CLCN2: variants seen among roughly 807,000 people sequenced by gnomAD.
The protein encoded by CLCN2 is chloride channel protein 2.
A neutral mutation model predicts 108.3 loss-of-function variants in CLCN2; 72 were observed. The ratio of observed to expected loss-of-function variants is 0.66; its 90% confidence interval spans 0.55 to 0.81. The LOEUF (loss-of-function observed/expected upper bound fraction) is 0.81. Among genes scored for constraint, CLCN2 ranks in the 30% least tolerant of loss-of-function variants. The pLI is 0.00. For synonymous variants in CLCN2, 471 were observed against 467.1 expected (o/e 1.01, Z -0.11); for missense variants, 1,048 against 1,205.2 (o/e 0.87, Z 1.93).
rs1309947327 is a variant in CLCN2 at position 184,358,730 on chromosome 3, C to A, written c.304G>T (p.Ala102Ser). The A allele has an allele frequency of 6.3e-7, 1 of 1,597,188 alleles. No individual in the cohort carries two copies. Among genetic ancestry groups the A allele is most frequent in the Non-Finnish European group, 8.5e-7 (1 of 1,170,974 alleles). The change falls in exon 3 of 24, where the codon GCA becomes TCA. Residue 102 changes from alanine to serine, a missense_variant. By Grantham distance (99) the Ala-to-Ser change is moderately conservative (BLOSUM62 1). Coordinates refer to ENST00000265593, the MANE Select transcript of CLCN2 (RefSeq NM_004366.6). Reference protein sequence around the residue: ...IFLVLLGLLMALVSWVMDYAI... With the variant: ...IFLVLLGLLMSLVSWVMDYAI... ...TAGTCCATGACCCAGCTGACCAATGCCATGAGAAGCCCCAGCAGGACCAGG... is the reference window on the plus strand; with the variant it reads ...TAGTCCATGACCCAGCTGACCAATGACATGAGAAGCCCCAGCAGGACCAGG...
intron 21 of CLCN2, 41 bp from the exon 22 acceptor site, chr3:184,352,158 G>A (rs745687377): frequency 1.9e-6 from 3 of 1,593,202 alleles, no homozygotes; most frequent in Non-Finnish European, 2.6e-6. Context: ...GAAGGTGCCT[G>A]TAGCTGACCT....
At position 184,361,324 on chromosome 3, in the gene CLCN2, A is replaced by G. The variant is rs1332748522; in HGVS notation, c.63+93T>C. The G allele has an allele frequency of 1.5e-6, 2 of 1,306,080 alleles. No homozygotes were observed. Among genetic ancestry groups the G allele is most frequent in the Admixed American group, 3.4e-5 (2 of 59,444 alleles). The allele number at this position is 1,306,080 out of a possible 1,614,324, so 80.9% of individuals were successfully genotyped here. A position where few individuals can be genotyped will look rare whatever the true frequency, so the allele number is the denominator to read the frequency against. On this transcript the variant is annotated intron_variant, in intron 1 of 23. Coordinates refer to ENST00000265593, the MANE Select transcript of CLCN2 (RefSeq NM_004366.6). The surrounding 1 kb of genome is among the most constrained non-coding windows in gnomAD (Gnocchi z 6.6). Reference sequence around the variant, plus strand: ...CCCCAGCTCAAAATGCTAGGACAGGATTAGGGTAGGCCCCTGGTCCTCGCG... The same window carrying G: ...CCCCAGCTCAAAATGCTAGGACAGGGTTAGGGTAGGCCCCTGGTCCTCGCG...
intron 7 of CLCN2, 34 bp from the exon 8 acceptor site, chr3:184,357,521 T>G (rs1403452895): frequency 1.2e-6 from 2 of 1,613,940 alleles, no homozygotes; most frequent in African/African-American, 2.7e-5. Context: ...ACTTGAGGCC[T>G]GGGCCTGGCC....
intron 13 of CLCN2, 23 bp downstream of exon 13, chr3:184,354,881 T>C: frequency 1.9e-6 from 3 of 1,610,746 alleles, no homozygotes; most frequent in Non-Finnish European, 2.5e-6. Flanking sequence ...GCAGGCTGGG[T>C]GAGCAGGCAG....
chr3:184,359,825 G>A (rs1325326557), intron 1 of CLCN2, among the ~76,000 whole-genome samples: 2 of 152,204 alleles, frequency 1.3e-5, no homozygotes, highest in Admixed American at 1.3e-4. Flanking sequence ...GCTGAGGATG[G>A]CTGGGCTGTG....
chr3:184,356,473 T>C, intron 10 of CLCN2: 1 of 167,030 alleles, frequency 6.0e-6, no homozygotes, highest in South Asian at 1.5e-4. Flanking sequence ...AAACTGTCTC[T>C]ACTAAAAAAT....
chr3:184,358,622 G>A, intron 3 of CLCN2, 60 bp downstream of exon 3: 10 of 1,544,610 alleles, frequency 6.5e-6, no homozygotes, highest in Non-Finnish European at 8.8e-6. Context: ...GTCTAGACGA[G>A]TGTGGCATGG....
intron 22 of CLCN2, chr3:184,349,142 C>T (rs1463663093): frequency 6.6e-6 from 1 of 152,212 alleles, no homozygotes; most frequent in African/African-American, 2.4e-5. Flanking sequence ...ATTTCTTCCA[C>T]ACTTCAGCTC....
chr3:184,347,075 A>G, intron 22 of CLCN2, 54 bp from the exon 23 acceptor site: 1 of 1,475,292 alleles, frequency 6.8e-7, no homozygotes, highest in South Asian at 1.1e-5. Context: ...GCAGCTCTAA[A>G]TGACAGGCCA....
rs1210996404 is a variant in CLCN2 at position 184,346,342 on chromosome 3, G to A, written c.*264C>T. The A allele has an allele frequency of 1.4e-5, 8 of 556,060 alleles. No individual in the cohort carries two copies. Among genetic ancestry groups the A allele is most frequent in the African/African-American group, 7.5e-5 (4 of 53,076 alleles). The allele number at this position is 556,060 out of a possible 1,614,324, so 34.4% of individuals were successfully genotyped here. A position where few individuals can be genotyped will look rare whatever the true frequency, so the allele number is the denominator to read the frequency against. Reference sequence around the variant, plus strand: ...TAGTTCCACCCCTTTCCCCTCAAAGGGGGAGCAGGGGTCAAGTGACCCCAA... The same window carrying A: ...TAGTTCCACCCCTTTCCCCTCAAAGAGGGAGCAGGGGTCAAGTGACCCCAA... On this transcript the variant is annotated 3_prime_UTR_variant, in exon 24 of 24. Transcript: ENST00000265593. This position sits in a 1 kb window ranked among gnomAD's most constrained non-coding sequence, Gnocchi z 6.0.
At chr3:184,353,212 A>T (rs763506214) in intron 17 of CLCN2, 38 bp downstream of exon 17, 1 of 1,613,420 alleles carries the variant, frequency 6.2e-7, no homozygotes. Context: ...CAGTCTACAC[A>T]ATGACATTTA....
At chr3:184,350,757 T>C (rs540373670) in intron 22 of CLCN2, among the ~76,000 whole-genome samples, 3 of 152,194 alleles carry the variant, frequency 2.0e-5, no homozygotes, top group Admixed American at 6.5e-5. Context: ...TAGCTGTGTG[T>C]CCTTGTGCAA....
rs1577317745 is a variant in CLCN2, at chr3:184,355,146, G to T, written c.1327-173C>A. 6.4e-6 allele frequency: 5 copies of T among 785,860 alleles called. No homozygotes were observed. The highest frequency in any genetic ancestry group is 4.3e-6 in the Non-Finnish European group (2 of 461,876). The allele number at this position is 785,860 out of a possible 1,614,324, so 48.7% of individuals were successfully genotyped here. On this transcript the variant is annotated intron_variant, in intron 12 of 23. Transcript: ENST00000265593. This position sits in a 1 kb window ranked among gnomAD's most constrained non-coding sequence, Gnocchi z 6.3. ...CAGGCCTCCCAGGTGATGGCAAGGG[G>T]AAGGACTCTGGAAGCAGATGGCTTG...
In CLCN2 at chr3:184,355,284, T is replaced by C; in HGVS notation, c.1326+90A>G. The C allele has an allele frequency of 7.1e-7, 1 of 1,405,072 alleles. No homozygotes were observed. The highest frequency in any genetic ancestry group is 1.0e-6 in the Non-Finnish European group (1 of 991,722). The allele number at this position is 1,405,072 out of a possible 1,614,324, so 87.0% of individuals were successfully genotyped here. Reference sequence around the variant, plus strand: ...TAATAGTGCCTTTCCCATGGCACTGTGGAGAGGCTTCGAGGAGTGAGCACT... The same window carrying C: ...TAATAGTGCCTTTCCCATGGCACTGCGGAGAGGCTTCGAGGAGTGAGCACT... On this transcript the variant is annotated intron_variant, in intron 12 of 23. Coordinates refer to ENST00000265593, the MANE Select transcript of CLCN2 (RefSeq NM_004366.6). The surrounding 1 kb of genome is among the most constrained non-coding windows in gnomAD (Gnocchi z 6.3).
rs1318297566 is a variant in CLCN2 at position 184,355,697 on chromosome 3, T to G, written c.1167A>C (p.Gly389=). 6 of 1,613,954 alleles carry G rather than the reference T, an allele frequency of 3.7e-6. No individual in the cohort carries two copies. The highest frequency in any genetic ancestry group is 5.1e-6 in the Non-Finnish European group (6 of 1,180,006). The change falls in exon 11 of 24, where the codon GGA becomes GGC. Residue 389 remains glycine, a synonymous_variant. Transcript: ENST00000265593. The surrounding 1 kb of genome is among the most constrained non-coding windows in gnomAD (Gnocchi z 6.3). ...FPPGFGQFMA[G]QLSQKETLVT... Reference sequence around the variant, plus strand: ...CTCCTGTTCTGCCTGTGGTTACCTGTCCAGCCATGAACTGTCCAAAGCCAG... The same window carrying G: ...CTCCTGTTCTGCCTGTGGTTACCTGGCCAGCCATGAACTGTCCAAAGCCAG...
chr3:184,361,289 G>T lies in CLCN2; in HGVS notation c.63+128C>A. On this transcript the variant is annotated intron_variant, in intron 1 of 23. Transcript: ENST00000265593. This position sits in a 1 kb window ranked among gnomAD's most constrained non-coding sequence, Gnocchi z 6.6. ...CGGCCCTGCAGCCTCAGACTTCCAA[G>T]CCTCAGTTTCCCCAGCTCAAAATGC... The T allele has an allele frequency of 9.7e-7, 1 of 1,027,324 alleles. No homozygotes were observed. The highest frequency in any genetic ancestry group is 1.5e-6 in the Non-Finnish European group (1 of 660,280). The allele number at this position is 1,027,324 out of a possible 1,614,324, so 63.6% of individuals were successfully genotyped here. A position where few individuals can be genotyped will look rare whatever the true frequency, so the allele number is the denominator to read the frequency against.
chr3:184,355,784 G>A lies in CLCN2; in HGVS notation c.1086-6C>T. 1 of 1,613,942 alleles carries A rather than the reference G, an allele frequency of 6.2e-7. No homozygotes were observed. The highest frequency in any genetic ancestry group is 8.5e-7 in the Non-Finnish European group (1 of 1,179,886). On this transcript the variant is annotated splice_polypyrimidine_tract_variant and splice_region_variant and intron_variant, in intron 10 of 23. Transcript: ENST00000265593. This position sits in a 1 kb window ranked among gnomAD's most constrained non-coding sequence, Gnocchi z 6.3. ...GAGCCGGGAAGAGCAGGCGTCTAGA[G>A]TCGTAGGTTTCACATCAGTCGTGGG... is the stretch of plus-strand genomic sequence containing the variant.
chr3:184,355,543 G>C lies in CLCN2; in HGVS notation c.1171-14C>G, dbSNP rs376500432. On this transcript the variant is annotated splice_polypyrimidine_tract_variant and intron_variant, in intron 11 of 23. Transcript: ENST00000265593. The surrounding 1 kb of genome is among the most constrained non-coding windows in gnomAD (Gnocchi z 6.3). Reference sequence around the variant, plus strand: ...TTTCTGTGAGAGCTAGAGTGAACAGGGTGCCTCAGGCTGGGAAACCGACAG... The same window carrying C: ...TTTCTGTGAGAGCTAGAGTGAACAGCGTGCCTCAGGCTGGGAAACCGACAG... 26 of 1,613,972 alleles carry C rather than the reference G, an allele frequency of 1.6e-5. No individual in the cohort carries two copies. The African/African-American group carries it at 2.9e-4, about 18-fold the overall frequency.
Position 184,355,035 on chromosome 3 carries a change from G to T in CLCN2, c.1327-62C>A. On this transcript the variant is annotated intron_variant, in intron 12 of 23. Coordinates refer to ENST00000265593, the MANE Select transcript of CLCN2 (RefSeq NM_004366.6). This position sits in a 1 kb window ranked among gnomAD's most constrained non-coding sequence, Gnocchi z 6.3. ...CACCTGGCCCCAGGCAGCCCACAGC[G>T]CCACCCAGGAGAAGTCTACCTCGCT... 1 of 1,481,976 alleles carries T rather than the reference G, an allele frequency of 6.7e-7. No homozygotes were observed. Among genetic ancestry groups the T allele is most frequent in the Non-Finnish European group, 9.4e-7 (1 of 1,061,314 alleles). The allele number at this position is 1,481,976 out of a possible 1,614,324, so 91.8% of individuals were successfully genotyped here.
Sources: gnomAD v4.1 joint callset for allele counts (sites outside exome capture counted in the v4.1 genomes callset) on GRCh38, gnomAD v4.1.1 for gene constraint, Gnocchi (gnomAD v3.1) non-coding constraint, MANE v1.5 for transcripts, NCBI Gene and HGNC (gene_info 2026-07-23, HGNC 2026-07-21) for gene names.